The following CPLANE1 variants were observed in gnomAD, a reference collection of about 807,000 sequenced individuals.
CPLANE1 encodes ciliogenesis and planar polarity effector 1.
In CPLANE1, 263 loss-of-function variants were observed where a neutral mutation model predicts 362.5. The ratio of observed to expected loss-of-function variants is 0.73; its 90% CI spans 0.66 to 0.80. CPLANE1 has a LOEUF of 0.80. Among genes scored for constraint, CPLANE1 ranks in the 30% least tolerant of loss-of-function variants. CPLANE1 has a pLI of 0.00. For missense variants in CPLANE1, 3,461 were observed against 3,793.4 expected, an observed-to-expected ratio of 0.91 and a Z score of 2.30; for synonymous variants, 1,212 against 1,302.6, an observed-to-expected ratio of 0.93 and a Z score of 1.50.
intron 46 of CPLANE1, among the ~76,000 whole-genome samples, chr5:37,129,617 T>C (rs192760478): frequency 1.8e-4 from 28 of 152,122 alleles, no homozygotes; most frequent in Non-Finnish European, 1.0e-4. Flanking sequence ...AAAGGAGATA[T>C]ACAAATGGCC....
chr5:37,146,706 A>C (rs1023503632), intron 43 of CPLANE1, among the ~76,000 whole-genome samples: 4 of 152,156 alleles, frequency 2.6e-5, no homozygotes, highest in Admixed American at 1.3e-4. Flanking sequence ...GTGGGTGTAT[A>C]GGTAAAAAAG....
intron 21 of CPLANE1, among the ~76,000 whole-genome samples, chr5:37,192,043 T>C (rs2151296082): frequency 6.6e-6 from 1 of 152,304 alleles, no homozygotes; most frequent in Admixed American, 6.5e-5. Context: ...AAACTTCCAG[T>C]CCTGTAAGCA....
the CPLANE1 span, among the ~76,000 whole-genome samples, chr5:37,083,511 T>C: frequency 6.6e-6 from 1 of 152,060 alleles, no homozygotes; most frequent in Non-Finnish European, 1.5e-5. Flanking sequence ...CAAAGCCCAA[T>C]GTAAGGAAAC....
chr5:37,210,523 T>G, intron 16 of CPLANE1: 2 of 1,401,760 alleles, frequency 1.4e-6, no homozygotes, highest in South Asian at 2.4e-5. Context: ...GAGGAGCTCA[T>G]AGCTTTTAAT....
the CPLANE1 span, among the ~76,000 whole-genome samples, chr5:37,086,600 A>T: frequency 6.6e-6 from 1 of 152,186 alleles, no homozygotes; most frequent in Admixed American, 6.5e-5. Flanking sequence ...ACCTTTGATC[A>T]TTTGTGGGCA....
chr5:37,093,458 G>A, the CPLANE1 span, among the ~76,000 whole-genome samples: 1 of 152,090 alleles, frequency 6.6e-6, no homozygotes, highest in Non-Finnish European at 1.5e-5. Context: ...TTTAACAGCA[G>A]ACGTAAAGCA....
chr5:37,249,045 G>A (rs529576174), intron 1 of CPLANE1, among the ~76,000 whole-genome samples, 200 bp downstream of exon 1: 2 of 152,232 alleles, frequency 1.3e-5, no homozygotes, highest in Admixed American at 6.5e-5. Flanking sequence ...TGGGAGGCTG[G>A]GGTAGGCCCA....
At chr5:37,077,548 C>G in the CPLANE1 span, among the ~76,000 whole-genome samples, 1 of 147,648 alleles carries the variant, frequency 6.8e-6, no homozygotes, top group Non-Finnish European at 1.5e-5. Flanking sequence ...AAGAGACAGA[C>G]AGAATAAAAA....
intron 21 of CPLANE1, among the ~76,000 whole-genome samples, chr5:37,188,096 T>C (rs1784529401): frequency 6.6e-6 from 1 of 152,198 alleles, no homozygotes; most frequent in Non-Finnish European, 1.5e-5. Flanking sequence ...TAATAGTAAA[T>C]AATTTTTTAT....
intron 8 of CPLANE1, among the ~76,000 whole-genome samples, chr5:37,235,337 G>C (rs1464181221): frequency 6.6e-6 from 1 of 152,028 alleles, no homozygotes; most frequent in Non-Finnish European, 1.5e-5. Context: ...ATAAAACGCT[G>C]ATAAGAGAAA....
chr5:37,132,637 GC>G (rs928467212), intron 46 of CPLANE1, among the ~76,000 whole-genome samples: 1 of 151,898 alleles, frequency 6.6e-6, no homozygotes, highest in Admixed American at 6.6e-5. Context: ...TTGAGCCACC[GC>G]CCCCAGCCCA....
chr5:37,151,750 T>TA lies in CPLANE1; in HGVS notation c.8373+1989dup, dbSNP rs1293991594. On this transcript the variant is annotated intron_variant, in intron 42 of 52. Coordinates refer to ENST00000651892, the MANE Select transcript of CPLANE1 (RefSeq NM_001384732.1). The stretch of plus-strand genomic sequence containing the variant: ...GATGTGACAGATCTAAATCTGGGTT[T>TA]AAAAAAACAGAAAGCAGGCCAGGTG... 2.6e-5 allele frequency among the ~76,000 whole-genome samples: 4 copies of TA among 152,068 alleles called. 1 individual carries two copies. The East Asian group carries it at 7.7e-4, about 29-fold the overall frequency.
intron 50 of CPLANE1, among the ~76,000 whole-genome samples, chr5:37,118,440 G>A (rs945475508): frequency 4.7e-5 from 7 of 150,250 alleles, no homozygotes; most frequent in African/African-American, 7.4e-5. Context: ...ACCAAACCAC[G>A]AAGGGTTTCA....
chr5:37,228,593 G>A (rs963132256), intron 9 of CPLANE1, among the ~76,000 whole-genome samples: 1 of 151,906 alleles, frequency 6.6e-6, no homozygotes, highest in African/African-American at 2.4e-5. Context: ...TAGTAAACAG[G>A]ATATATCACA....
intron 8 of CPLANE1, among the ~76,000 whole-genome samples, chr5:37,232,826 C>T (rs1313520746): frequency 1.1e-5 from 1 of 92,948 alleles, no homozygotes; most frequent in Non-Finnish European, 2.0e-5. Context: ...GGTAACAGAA[C>T]AAGACCTTGT....
chr5:37,101,333 CAAA>C (rs1345945618), downstream of CPLANE1, among the ~76,000 whole-genome samples: 1 of 152,150 alleles, frequency 6.6e-6, no homozygotes, highest in African/African-American at 2.4e-5. Flanking sequence ...TGAATTTTAT[CAAA>C]GGCCTTTTCT....
intron 52 of CPLANE1, 64 bp from the exon 53 acceptor site, chr5:37,107,842 A>AAAAACCTGGAACGTGAACTAAGCT: frequency 6.8e-7 from 1 of 1,464,546 alleles, no homozygotes; most frequent in Non-Finnish European, 9.0e-7. Flanking sequence ...ACAAAAACAA[A>AAAAACCTGGAACGTGAACTAAGCT]AAAACCTGGA....
At chr5:37,122,372 C>T in intron 48 of CPLANE1, 58 bp downstream of exon 48, 1 of 1,309,888 alleles carries the variant, frequency 7.6e-7, no homozygotes, top group South Asian at 1.2e-5. Flanking sequence ...AGGCATTAAT[C>T]TATGCCTCAG....
intron 16 of CPLANE1, chr5:37,212,495 CA>C (rs113291300): frequency 0.21 from 85,856 of 406,820 alleles, 79 homozygotes; most frequent in South Asian, 0.26. Context: ...ATGTGTAATC[CA>C]AAAAAAAAAA....
Sources: allele counts gnomAD v4.1 joint callset (sites outside exome capture counted in the v4.1 genomes callset), GRCh38; gene constraint gnomAD v4.1.1; transcripts MANE v1.5; gene names NCBI Gene and HGNC (gene_info 2026-07-23, HGNC 2026-07-21).